The following TSPAN11 variants were observed in gnomAD, a reference collection of about 807,000 sequenced individuals.
TSPAN11 encodes the protein tetraspanin 11.
In TSPAN11, 29 loss-of-function variants were observed where a neutral mutation model predicts 32.9. The ratio of observed to expected loss-of-function variants is 0.88; its 90% CI spans 0.66 to 1.20. The LOEUF (loss-of-function observed/expected upper bound fraction) is 1.20, where lower values mean the gene tolerates loss of function less well. Among genes scored for constraint, TSPAN11 ranks in the 50% most tolerant of loss-of-function variants. The pLI is 0.00. For missense variants in TSPAN11, 283 were observed against 329.1 expected, an observed-to-expected ratio of 0.86 and a Z score of 1.08; for synonymous variants, 140 against 141.3, an observed-to-expected ratio of 0.99 and a Z score of 0.07.
intron 3 of TSPAN11, among the ~76,000 whole-genome samples, chr12:30,965,127 CA>C (rs1191518923): frequency 1.3e-5 from 2 of 152,244 alleles, no homozygotes; most frequent in African/African-American, 2.4e-5. Context: ...GCATGTAGCG[CA>C]GCCCGGGGAT....
chr12:30,971,664 C>T (rs1317728540), intron 3 of TSPAN11, among the ~76,000 whole-genome samples: 3 of 151,882 alleles, frequency 2.0e-5, no homozygotes, highest in East Asian at 1.9e-4. Flanking sequence ...GTGGGAGGAT[C>T]GCTTGAGCCC....
At chr12:30,961,537 A>T (rs971371678) in intron 2 of TSPAN11, among the ~76,000 whole-genome samples, 2 of 151,938 alleles carry the variant, frequency 1.3e-5, no homozygotes, top group Non-Finnish European at 2.9e-5. Context: ...TCCTGTCCAG[A>T]GAAAAGCTTG....
At position 30,993,323 on chromosome 12, in the gene TSPAN11, A is replaced by G. The variant is rs1939354417; in HGVS notation, c.*1408A>G. ...ATCCAGATTGCACTGTGATGAGCAC[A>G]TTGCTGACCTAGGCCAGTCCTGGGG... On this transcript the variant is annotated 3_prime_UTR_variant, in exon 8 of 8. Coordinates refer to ENST00000546076, the MANE Select transcript of TSPAN11 (RefSeq NM_001370302.1). The G allele has an allele frequency of 6.6e-6, 1 of 152,294 alleles. No homozygotes were observed. Among genetic ancestry groups the G allele is most frequent in the Admixed American group, 6.5e-5 (1 of 15,284 alleles). The allele number at this position is 152,294 out of a possible 1,614,324, so 9.4% of individuals were successfully genotyped here. A position where few individuals can be genotyped will look rare whatever the true frequency, so the allele number is the denominator to read the frequency against.
At chr12:30,997,365 C>T (rs1939431998), downstream of TSPAN11, 1 of 152,124 alleles carries the variant, frequency 6.6e-6, no homozygotes, top group East Asian at 1.9e-4. Flanking sequence ...AAAAGAACTA[C>T]CTGAGAGTGG....
At chr12:31,011,741 G>A in the TSPAN11 span, among the ~76,000 whole-genome samples, 4 of 152,208 alleles carry the variant, frequency 2.6e-5, no homozygotes, top group African/African-American at 7.2e-5. Context: ...AGGCCCCCAT[G>A]CTGTCCTCCC....
chr12:30,927,124 G>A, intron 1 of TSPAN11: 1 of 948,708 alleles, frequency 1.1e-6, no homozygotes, highest in Non-Finnish European at 1.4e-6. Context: ...GTGCCGTCCA[G>A]CGTGCCCGGG....
At chr12:30,971,608 G>A (rs1938852083) in intron 3 of TSPAN11, among the ~76,000 whole-genome samples, 1 of 152,104 alleles carries the variant, frequency 6.6e-6, no homozygotes, top group East Asian at 1.9e-4. Context: ...TAATTAGCCA[G>A]GCATGGTGGT....
Position 30,982,638 on chromosome 12 carries a change from T to G in TSPAN11, c.563T>G (p.Val188Gly). 1.2e-6 allele frequency: 2 copies of G among 1,611,200 alleles called. No homozygotes were observed. The highest frequency in any genetic ancestry group is 1.7e-6 in the Non-Finnish European group (2 of 1,178,984). Residue 188 changes from valine (V) to glycine (G), a missense_variant, in exon 6 of 8, where the codon GTG becomes GGG. Physicochemically the swap from Val to Gly is moderately radical, Grantham distance 109. Transcript: ENST00000546076. Reference sequence around the variant, plus strand: ...GTGCCCGACAGCTGCTGCAAGACAGTGGTGGTGCGCTGCGGCCAGCGGGCC... The same window carrying G: ...GTGCCCGACAGCTGCTGCAAGACAGGGGTGGTGCGCTGCGGCCAGCGGGCC... ...RQVPDSCCKT[V>G]VVRCGQRAHP...
the TSPAN11 span, among the ~76,000 whole-genome samples, chr12:31,006,165 A>C: frequency 6.6e-6 from 1 of 152,228 alleles, no homozygotes; most frequent in African/African-American, 2.4e-5. Flanking sequence ...TCAAAACCAC[A>C]GAGTTGTCTC....
the TSPAN11 span, among the ~76,000 whole-genome samples, chr12:31,007,520 C>A: frequency 6.6e-6 from 1 of 152,136 alleles, no homozygotes; most frequent in Admixed American, 6.5e-5. Flanking sequence ...GTCACCACTG[C>A]CTCATGCCTC....
chr12:30,927,993 T>C (rs1937837535), intron 1 of TSPAN11, among the ~76,000 whole-genome samples: 1 of 152,102 alleles, frequency 6.6e-6, no homozygotes, highest in South Asian at 2.1e-4. Context: ...AGGGGCCAAG[T>C]TGGTGGTCTG....
At chr12:30,944,105 C>CT (rs917839432) in intron 1 of TSPAN11, among the ~76,000 whole-genome samples, 7 of 148,204 alleles carry the variant, frequency 4.7e-5, no homozygotes, top group Non-Finnish European at 7.5e-5. Flanking sequence ...GGAGAGTTTT[C>CT]TTTTTTTTTT....
the TSPAN11 span, among the ~76,000 whole-genome samples, chr12:31,001,980 A>C: frequency 6.6e-6 from 1 of 152,168 alleles, no homozygotes; most frequent in Admixed American, 6.5e-5. Context: ...GCAGGAGCCA[A>C]AGCAAGAACA....
chr12:30,959,074 C>T (rs1023759762), intron 2 of TSPAN11, among the ~76,000 whole-genome samples: 4 of 152,254 alleles, frequency 2.6e-5, no homozygotes, highest in South Asian at 2.1e-4. Context: ...CCCAGAAGCT[C>T]GGCAGACAGA....
At chr12:30,927,538 A>G (rs1937826833) in intron 1 of TSPAN11, among the ~76,000 whole-genome samples, 1 of 150,542 alleles carries the variant, frequency 6.6e-6, no homozygotes, top group Admixed American at 6.6e-5. Flanking sequence ...AGGAGGAATA[A>G]GTGTTCCAGA....
In TSPAN11 at chr12:30,975,006, A is replaced by C. The variant is rs1329227993; in HGVS notation, c.277-3555A>C. On this transcript the variant is annotated intron_variant, in intron 3 of 7. Coordinates refer to ENST00000546076, the MANE Select transcript of TSPAN11 (RefSeq NM_001370302.1). This position sits in a 1 kb window ranked among gnomAD's most constrained non-coding sequence, Gnocchi z 4.5. ...TGAGCCGAGCTGGGTGTGGAAGGAC[A>C]GGTAGGCACCAGCATTCCAGGCAGG... is the stretch of plus-strand genomic sequence containing the variant. Among the ~76,000 whole-genome samples the C allele has an allele frequency of 6.6e-6, 1 of 152,252 alleles. No individual in the cohort carries two copies. Among genetic ancestry groups the C allele is most frequent in the Non-Finnish European group, 1.5e-5 (1 of 68,032 alleles).
chr12:30,952,882 G>T (rs1938409008), intron 1 of TSPAN11, among the ~76,000 whole-genome samples: 1 of 152,196 alleles, frequency 6.6e-6, no homozygotes, highest in African/African-American at 2.4e-5. Flanking sequence ...CCCAAAATGG[G>T]GGTAATTTCT....
intron 1 of TSPAN11, among the ~76,000 whole-genome samples, chr12:30,929,270 T>G (rs561013975): frequency 6.6e-6 from 1 of 152,318 alleles, no homozygotes; most frequent in South Asian, 2.1e-4. Flanking sequence ...AAATCCGCAC[T>G]TGACCCTCAA....
chr12:30,982,822 C>T (rs1939121615), intron 6 of TSPAN11, 132 bp downstream of exon 6: 4 of 1,336,056 alleles, frequency 3.0e-6, no homozygotes, highest in South Asian at 1.5e-5. Flanking sequence ...CACGAGCCCA[C>T]AGTGTCTGGG....
Sources: allele counts gnomAD v4.1 joint callset (sites outside exome capture counted in the v4.1 genomes callset), GRCh38; gene constraint gnomAD v4.1.1; non-coding constraint Gnocchi (gnomAD v3.1); transcripts MANE v1.5; gene names NCBI Gene and HGNC (gene_info 2026-07-23, HGNC 2026-07-21).